Variants in RNF216 observed in about 807,000 individuals in gnomAD.
RNF216 encodes E3 ubiquitin-protein ligase RNF216.
A neutral mutation model predicts 110.8 loss-of-function variants in RNF216; 72 were observed. The observed-to-expected ratio is 0.65, with a 90% CI of 0.54 to 0.79. The LOEUF (loss-of-function observed/expected upper bound fraction) is 0.79. Among genes scored for constraint, RNF216 ranks in the 30% least tolerant of loss-of-function variants. The pLI is 0.00. For missense variants in RNF216, 1,342 were observed against 1,141.2 expected, an observed-to-expected ratio of 1.18 and a Z score of -2.54; for synonymous variants, 495 against 407.5, an observed-to-expected ratio of 1.21 and a Z score of -2.59.
chr7:5,651,839 G>T (rs1349888510), intron 14 of RNF216, among the ~76,000 whole-genome samples: 1 of 152,012 alleles, frequency 6.6e-6, no homozygotes, highest in Non-Finnish European at 1.5e-5. Context: ...AGTAGAGATG[G>T]GGTTTCACCA....
At chr7:5,674,503 C>A (rs1284688744) in intron 13 of RNF216, among the ~76,000 whole-genome samples, 1 of 151,926 alleles carries the variant, frequency 6.6e-6, no homozygotes, top group Non-Finnish European at 1.5e-5. Context: ...TGGCACACAC[C>A]TGTAGTCCCA....
chr7:5,656,167 G>A (rs1788728006), intron 13 of RNF216, among the ~76,000 whole-genome samples: 1 of 152,204 alleles, frequency 6.6e-6, no homozygotes, highest in Admixed American at 6.5e-5. Flanking sequence ...TACTCTGGAA[G>A]CTGAGACAGG....
intron 15 of RNF216, among the ~76,000 whole-genome samples, chr7:5,629,822 G>T (rs1219757936): frequency 3.6e-5 from 3 of 83,930 alleles, no homozygotes; most frequent in African/African-American, 1.7e-4. Context: ...GCAAGACTCT[G>T]TCTCAAAAAA....
intron 13 of RNF216, among the ~76,000 whole-genome samples, chr7:5,707,718 GTTTTT>G (rs35372254): frequency 2.9e-3 from 267 of 92,856 alleles, no homozygotes; most frequent in Non-Finnish European, 3.4e-3. Flanking sequence ...TGTGTGTGTG[GTTTTT>G]TTTTTTTTTT....
chr7:5,701,588 G>C (rs926538893), intron 13 of RNF216, among the ~76,000 whole-genome samples: 15 of 152,246 alleles, frequency 9.9e-5, no homozygotes, highest in African/African-American at 3.6e-4. Context: ...TACACGGAAA[G>C]GAAATGTGGC....
intron 13 of RNF216, among the ~76,000 whole-genome samples, chr7:5,710,180 T>C (rs1014553162): frequency 2.0e-5 from 3 of 152,088 alleles, no homozygotes. Flanking sequence ...GCCAACATGG[T>C]GAAACCTCAT....
At chr7:5,747,062 C>T (rs995036886) in intron 3 of RNF216, among the ~76,000 whole-genome samples, 1 of 152,212 alleles carries the variant, frequency 6.6e-6, no homozygotes, top group African/African-American at 2.4e-5. Flanking sequence ...TCCCATTTTA[C>T]CTGAATACTG....
chr7:5,634,930 A>T (rs1409410222), intron 15 of RNF216, among the ~76,000 whole-genome samples: 2 of 152,128 alleles, frequency 1.3e-5, no homozygotes, highest in Non-Finnish European at 2.9e-5. Flanking sequence ...AGCTTCATTC[A>T]TCCATGGGGA....
At chr7:5,648,895 G>C (rs1336371520) in intron 14 of RNF216, among the ~76,000 whole-genome samples, 1 of 152,116 alleles carries the variant, frequency 6.6e-6, no homozygotes, top group African/African-American at 2.4e-5. Flanking sequence ...CAGTACACAT[G>C]TAAAGCTAAT....
intron 3 of RNF216, among the ~76,000 whole-genome samples, chr7:5,752,578 G>A (rs1451753575): frequency 6.6e-6 from 1 of 152,200 alleles, no homozygotes; most frequent in African/African-American, 2.4e-5. Flanking sequence ...CAATCCAACA[G>A]TAAGATACAC....
chr7:5,730,966 T>C lies in RNF216; in HGVS notation c.1122-149A>G. On this transcript the variant is annotated intron_variant, in intron 5 of 16. Transcript: ENST00000389902. Reference sequence around the variant, plus strand: ...TAAGATGTTTGTAGCCCAGAAAAACTAAACCAATAAACAAACAACTGCACT... The same window carrying C: ...TAAGATGTTTGTAGCCCAGAAAAACCAAACCAATAAACAAACAACTGCACT... The C allele has an allele frequency of 7.5e-6, 9 of 1,204,308 alleles. No homozygotes were observed. In the South Asian group the frequency reaches 1.2e-4, roughly 16 times the overall value. The allele number at this position is 1,204,308 out of a possible 1,614,324, so 74.6% of individuals were successfully genotyped here. A position where few individuals can be genotyped will look rare whatever the true frequency, so the allele number is the denominator to read the frequency against.
chr7:5,739,146 G>C (rs560293083), intron 5 of RNF216, 130 bp downstream of exon 5: 2 of 1,107,716 alleles, frequency 1.8e-6, no homozygotes, highest in Admixed American at 3.7e-5. Flanking sequence ...GGTGATAGTT[G>C]CATAATAATG....
At position 5,760,998 on chromosome 7, in the gene RNF216, C is replaced by T. The variant is rs1795903367; in HGVS notation, c.67+5G>A. The T allele has an allele frequency of 1.9e-6, 3 of 1,568,896 alleles. No individual in the cohort carries two copies. The highest frequency in any genetic ancestry group is 1.4e-5 in the African/African-American group (1 of 72,584). On this transcript the variant is annotated splice_donor_5th_base_variant and intron_variant, in intron 2 of 16. Transcript: ENST00000389902. ...AAAGGGATGAAGTGAGAACAAACAACTTACCTTGTCCCCGATGGCAGTGAA... is the reference window on the plus strand; with the variant it reads ...AAAGGGATGAAGTGAGAACAAACAATTTACCTTGTCCCCGATGGCAGTGAA...
chr7:5,769,212 T>C (rs1383181012), intron 1 of RNF216, among the ~76,000 whole-genome samples: 2 of 150,872 alleles, frequency 1.3e-5, no homozygotes, highest in Non-Finnish European at 3.0e-5. Flanking sequence ...CTGCCTCCTG[T>C]GTTCAAGTGA....
chr7:5,685,888 A>T (rs1790947992), intron 13 of RNF216, among the ~76,000 whole-genome samples: 1 of 152,214 alleles, frequency 6.6e-6, no homozygotes, highest in South Asian at 2.1e-4. Flanking sequence ...TATTTGGAGC[A>T]CTATAATGCA....
At chr7:5,682,522 C>T (rs568830177) in intron 13 of RNF216, among the ~76,000 whole-genome samples, 1 of 151,968 alleles carries the variant, frequency 6.6e-6, no homozygotes, top group East Asian at 1.9e-4. Flanking sequence ...ATTCTCCTGC[C>T]TCAGCCACCC....
chr7:5,738,087 CA>C (rs200643372), intron 5 of RNF216, among the ~76,000 whole-genome samples: 273 of 110,830 alleles, frequency 2.5e-3, no homozygotes, highest in African/African-American at 0.01. Flanking sequence ...AGACTGTCTC[CA>C]AAAAAAAAAA....
At chr7:5,780,692 A>G (rs1797033260) in intron 1 of RNF216, among the ~76,000 whole-genome samples, 2 of 152,034 alleles carry the variant, frequency 1.3e-5, no homozygotes, top group African/African-American at 4.8e-5. Context: ...GCAACAGAGC[A>G]AGACTCCGTC....
intron 1 of RNF216, among the ~76,000 whole-genome samples, chr7:5,762,665 T>C (rs1489585374): frequency 2.6e-5 from 4 of 151,804 alleles, no homozygotes; most frequent in African/African-American, 7.2e-5. Context: ...GCACTCCAGC[T>C]TGCATGACAG....
Sources: allele counts gnomAD v4.1 joint callset (sites outside exome capture counted in the v4.1 genomes callset), GRCh38; gene constraint gnomAD v4.1.1; transcripts MANE v1.5; gene names NCBI Gene and HGNC (gene_info 2026-07-23, HGNC 2026-07-21).